LRIG1: variants seen among roughly 807,000 people sequenced by gnomAD.
LRIG1 encodes leucine-rich repeats and immunoglobulin-like domains protein 1.
In LRIG1, 48 loss-of-function variants were observed where a neutral mutation model predicts 99.2. The ratio of observed to expected loss-of-function variants is 0.48; its 90% CI spans 0.38 to 0.62. The LOEUF (loss-of-function observed/expected upper bound fraction) is 0.62, where lower values mean the gene tolerates loss of function less well. Among genes scored for constraint, LRIG1 ranks in the 20% least tolerant of loss-of-function variants. The pLI is 0.00. For synonymous variants in LRIG1, 772 were observed against 596.1 expected (o/e 1.29, Z -4.30); for missense variants, 1,646 against 1,434.4 (o/e 1.15, Z -2.38).
chr3:66,379,934 C>A lies in LRIG1; in HGVS notation c.*329G>T. On this transcript the variant is annotated 3_prime_UTR_variant, in exon 19 of 19. Coordinates refer to ENST00000273261, the MANE Select transcript of LRIG1 (RefSeq NM_015541.3). ...CACCCCCTCCAAAATTAAACAGCAA[C>A]CTGATACGAAAAATAATATTGTCAA... 5.7e-6 allele frequency: 1 copy of A among 176,114 alleles called. No homozygotes were observed. The highest frequency in any genetic ancestry group is 1.2e-5 in the Non-Finnish European group (1 of 83,370). The allele number at this position is 176,114 out of a possible 1,614,324, so 10.9% of individuals were successfully genotyped here. A position where few individuals can be genotyped will look rare whatever the true frequency, so the allele number is the denominator to read the frequency against.
chr3:66,452,328 A>G (rs936795518), intron 2 of LRIG1, among the ~76,000 whole-genome samples: 1 of 152,212 alleles, frequency 6.6e-6, no homozygotes. Context: ...TCCATAGTTA[A>G]TATCTCTTAA....
At chr3:66,386,503 T>TACTGATCACCTTTATGATCAC in intron 12 of LRIG1, 2 of 577,942 alleles carry the variant, frequency 3.5e-6, no homozygotes, top group Non-Finnish European at 6.2e-6. Context: ...AGTCTGTGAG[T>TACTGATCACCTTTATGATCAC]ACTGATCACC....
intron 1 of LRIG1, among the ~76,000 whole-genome samples, chr3:66,481,835 C>T (rs62243268): frequency 0.012 from 1,774 of 152,332 alleles, 17 homozygotes; most frequent in African/African-American, 0.029. Context: ...CACATGCATA[C>T]AATGACAACT....
intron 11 of LRIG1, among the ~76,000 whole-genome samples, chr3:66,397,598 A>C (rs1271996864): frequency 6.6e-6 from 1 of 152,118 alleles, no homozygotes; most frequent in Non-Finnish European, 1.5e-5. Flanking sequence ...CAGCACCACC[A>C]CCTGTGAACC....
At chr3:66,485,355 G>A (rs1700948629) in intron 1 of LRIG1, among the ~76,000 whole-genome samples, 1 of 152,078 alleles carries the variant, frequency 6.6e-6, no homozygotes, top group African/African-American at 2.4e-5. Context: ...TTCAGGCGGT[G>A]CATAAACTCC....
intron 9 of LRIG1, chr3:66,404,421 C>T (rs1702187719): frequency 8.2e-7 from 1 of 1,215,396 alleles, no homozygotes; most frequent in Non-Finnish European, 1.0e-6. Flanking sequence ...GACTCTCGTC[C>T]CCTTCCTGCA....
chr3:66,380,334 C>G lies in LRIG1; in HGVS notation c.3211G>C (p.Glu1071Gln). ...AGCTGTCCTGTCAGTGGCGTGGACT[C>G]GGGACTGGCGTCACATGCTTTGGGG... ...HLPKACDASP[E>Q]STPLTGQLPG... The change falls in exon 19 of 19, where the codon GAG (glutamate) becomes CAG (glutamine). Residue 1071 changes from glutamate (E) to glutamine (Q), a missense_variant. Glu to Gln is a conservative substitution (Grantham distance 29). Transcript: ENST00000273261. 1 of 1,614,156 alleles carries G rather than the reference C, an allele frequency of 6.2e-7. No individual in the cohort carries two copies. Among genetic ancestry groups the G allele is most frequent in the Middle Eastern group, 1.6e-4 (1 of 6,062 alleles).
At chr3:66,467,405 G>A in intron 1 of LRIG1, among the ~76,000 whole-genome samples, 1 of 146,902 alleles carries the variant, frequency 6.8e-6, no homozygotes, top group East Asian at 2.0e-4. Context: ...CTGTCGCCCA[G>A]GCTGGCGTGC....
chr3:66,416,643 C>T (rs1243587451), intron 4 of LRIG1, among the ~76,000 whole-genome samples: 1 of 152,154 alleles, frequency 6.6e-6, no homozygotes, highest in Non-Finnish European at 1.5e-5. Context: ...AATAGAGTAA[C>T]TGCCCTCCCC....
chr3:66,416,697 A>G (rs1702625459), intron 4 of LRIG1, among the ~76,000 whole-genome samples: 1 of 152,234 alleles, frequency 6.6e-6, no homozygotes, highest in African/African-American at 2.4e-5. Flanking sequence ...GACACTAGAA[A>G]GATAAGCACT....
intron 9 of LRIG1, among the ~76,000 whole-genome samples, chr3:66,401,846 C>G (rs932180125): frequency 2.0e-5 from 3 of 152,164 alleles, no homozygotes; most frequent in Admixed American, 1.3e-4. Context: ...CCATCCATCT[C>G]CTGGCCAACC....
At chr3:66,404,169 G>C (rs1400522012) in intron 9 of LRIG1, 1 of 1,063,580 alleles carries the variant, frequency 9.4e-7, no homozygotes, top group Admixed American at 2.3e-5. Flanking sequence ...GTATATAAAA[G>C]GTGCAAAAAG....
intron 2 of LRIG1, among the ~76,000 whole-genome samples, chr3:66,461,989 A>G (rs1700364516): frequency 6.6e-6 from 1 of 152,168 alleles, no homozygotes. Context: ...ATTAACCTGT[A>G]ATCCCAGCAC....
chr3:66,470,467 G>T (rs180726843), intron 1 of LRIG1, among the ~76,000 whole-genome samples: 2 of 152,252 alleles, frequency 1.3e-5, no homozygotes, highest in Non-Finnish European at 2.9e-5. Flanking sequence ...AGTAAAATAA[G>T]CAAACAAAAA....
chr3:66,461,842 G>A (rs1014421368), intron 2 of LRIG1, among the ~76,000 whole-genome samples: 2 of 152,218 alleles, frequency 1.3e-5, no homozygotes, highest in Non-Finnish European at 2.9e-5. Context: ...AGCAAGCCTA[G>A]AGCTCCAAAG....
At chr3:66,495,431 G>A (rs566508829) in intron 1 of LRIG1, among the ~76,000 whole-genome samples, 12 of 152,326 alleles carry the variant, frequency 7.9e-5, no homozygotes, top group South Asian at 2.1e-4. Context: ...GAGGGGGAAC[G>A]TACCCAGTGA....
intron 3 of LRIG1, among the ~76,000 whole-genome samples, chr3:66,432,942 A>G (rs1359289769): frequency 1.3e-5 from 2 of 152,154 alleles, no homozygotes; most frequent in Non-Finnish European, 2.9e-5. Flanking sequence ...CCAGGGGCCC[A>G]CACCCACACG....
At chr3:66,493,740 G>C (rs1474382482) in intron 1 of LRIG1, among the ~76,000 whole-genome samples, 1 of 151,946 alleles carries the variant, frequency 6.6e-6, no homozygotes, top group African/African-American at 2.4e-5. Context: ...AGGCTGCAGT[G>C]AGTCTTGATT....
chr3:66,411,135 G>A (rs1222019648), intron 6 of LRIG1, among the ~76,000 whole-genome samples: 1 of 152,200 alleles, frequency 6.6e-6, no homozygotes, highest in Non-Finnish European at 1.5e-5. Flanking sequence ...GGCCCACCGT[G>A]TAAGTGTGCT....
Sources: allele counts gnomAD v4.1 joint callset (sites outside exome capture counted in the v4.1 genomes callset), GRCh38; gene constraint gnomAD v4.1.1; transcripts MANE v1.5; gene names NCBI Gene and HGNC (gene_info 2026-07-23, HGNC 2026-07-21).